The following MACF1 variants were observed in gnomAD, a reference collection of about 807,000 sequenced individuals.
MACF1 encodes microtubule actin crosslinking factor 1.
In MACF1, 193 loss-of-function variants were observed where a neutral mutation model predicts 854.8. The observed-to-expected ratio is 0.23, with a 90% CI of 0.20 to 0.25. The LOEUF (loss-of-function observed/expected upper bound fraction) is 0.25. Ranked by LOEUF, MACF1 falls within the 10% of genes least tolerant of loss-of-function variation. The probability of loss-of-function intolerance (pLI) is 1.00; values close to 1 mark genes in which losing one functional copy is unlikely to be tolerated. For synonymous variants in MACF1, 3,185 were observed against 3,226.7 expected (o/e 0.99, Z 0.44); for missense variants, 7,722 against 8,929.1 (o/e 0.86, Z 5.45).
intron 58 of MACF1, among the ~76,000 whole-genome samples, chr1:39,393,190 A>ATATATAT (rs1427429683): frequency 8.1e-5 from 7 of 86,662 alleles, no homozygotes; most frequent in African/African-American, 3.1e-4. Flanking sequence ...GTAAAAAAAA[A>ATATATAT]AAAAAAATAT....
At chr1:39,404,083 G>A (rs1202546809) in intron 58 of MACF1, among the ~76,000 whole-genome samples, 5 of 151,612 alleles carry the variant, frequency 3.3e-5, no homozygotes, top group African/African-American at 4.9e-5. Flanking sequence ...GAGCGAGATC[G>A]TGCCACTGCA....
chr1:39,452,439 T>C (rs988613512), intron 86 of MACF1, 89 bp downstream of exon 86: 61 of 1,334,872 alleles, frequency 4.6e-5, no homozygotes, highest in Non-Finnish European at 6.1e-5. Flanking sequence ...CCAGTCAGTC[T>C]TGAAATAAGT....
intron 98 of MACF1, 101 bp from the exon 99 acceptor site, chr1:39,480,819 A>C: frequency 3.0e-6 from 2 of 660,872 alleles, no homozygotes; most frequent in Non-Finnish European, 5.4e-6. Context: ...GTTTCTTTAA[A>C]ATTTAGTATC....
At chr1:39,439,777 T>C (rs1370311721) in intron 72 of MACF1, among the ~76,000 whole-genome samples, 1 of 152,166 alleles carries the variant, frequency 6.6e-6, no homozygotes, top group African/African-American at 2.4e-5. Flanking sequence ...GGCTAATTTT[T>C]GTATTTTTAG....
Position 39,335,235 on chromosome 1 carries a change from T to C in MACF1, c.8647T>C (p.Leu2883=), listed in dbSNP as rs765955393. Residue 2883 remains leucine (L), a synonymous_variant, in exon 37 of 101, where the codon TTG becomes CTG. Coordinates refer to ENST00000564288, the MANE Select transcript of MACF1 (RefSeq NM_001394062.1). ...LKGKSLGQVS[L]THPYSECDFK... is the part of the protein sequence containing the mutation. Reference sequence around the variant, plus strand: ...AGGTAAATCCTTGGGCCAAGTGTCATTGACACACCCTTACTCTGAATGTGA... The same window carrying C: ...AGGTAAATCCTTGGGCCAAGTGTCACTGACACACCCTTACTCTGAATGTGA... 21 of 1,613,926 alleles carry C rather than the reference T, an allele frequency of 1.3e-5. No individual in the cohort carries two copies. In the South Asian group the frequency reaches 2.3e-4, roughly 18 times the overall value.
intron 55 of MACF1, 100 bp downstream of exon 55, chr1:39,380,473 T>A: frequency 8.1e-7 from 1 of 1,227,116 alleles, no homozygotes; most frequent in Non-Finnish European, 1.1e-6. Context: ...TATTTTTAGT[T>A]AATTTTTATA....
At chr1:39,477,136 A>ACACACACT (rs1644921502) in intron 97 of MACF1, among the ~76,000 whole-genome samples, 1 of 110,194 alleles carries the variant, frequency 9.1e-6, no homozygotes. Context: ...ATATATATAT[A>ACACACACT]CACACACACA....
At chr1:39,086,997 G>A (rs574188954) in intron 2 of MACF1, among the ~76,000 whole-genome samples, 9 of 152,294 alleles carry the variant, frequency 5.9e-5, no homozygotes, top group South Asian at 2.1e-4. Flanking sequence ...CAGCAGAGAC[G>A]AGGCGGGACT....
At chr1:39,168,632 T>C (rs1643906269) in intron 2 of MACF1, among the ~76,000 whole-genome samples, 1 of 151,764 alleles carries the variant, frequency 6.6e-6, no homozygotes, top group Admixed American at 6.6e-5. Flanking sequence ...TGCGCCTGGC[T>C]CAAATCTGTG....
intron 53 of MACF1, 25 bp from the exon 54 acceptor site, chr1:39,379,178 C>G (rs763659783): frequency 1.8e-5 from 28 of 1,543,768 alleles, no homozygotes; most frequent in Non-Finnish European, 2.2e-5. Context: ...TGTCTCCAAT[C>G]TGATTTCTGT....
At chr1:39,268,026 A>G (rs1645254164) in intron 6 of MACF1, among the ~76,000 whole-genome samples, 1 of 152,188 alleles carries the variant, frequency 6.6e-6, no homozygotes, top group South Asian at 2.1e-4. Context: ...CAGAATATGT[A>G]TATCTGCTTG....
chr1:39,145,980 AAAAAT>A (rs1353554487), intron 2 of MACF1, among the ~76,000 whole-genome samples: 1 of 152,226 alleles, frequency 6.6e-6, no homozygotes, highest in Non-Finnish European at 1.5e-5. Context: ...TTGGAGAACT[AAAAAT>A]AGAGCTACCA....
intron 99 of MACF1, among the ~76,000 whole-genome samples, chr1:39,484,113 A>G (rs1645063955): frequency 6.6e-6 from 1 of 152,234 alleles, no homozygotes; most frequent in Admixed American, 6.5e-5. Flanking sequence ...AGATTGCACC[A>G]CTGCACTCCA....
At chr1:39,339,974 C>T (rs1403831897) in intron 38 of MACF1, among the ~76,000 whole-genome samples, 1 of 152,074 alleles carries the variant, frequency 6.6e-6, no homozygotes, top group Non-Finnish European at 1.5e-5. Flanking sequence ...TTATTTCCGG[C>T]TTATCTGTTG....
chr1:39,128,202 A>C (rs1329840870), intron 2 of MACF1, among the ~76,000 whole-genome samples: 1 of 151,938 alleles, frequency 6.6e-6, no homozygotes, highest in Non-Finnish European at 1.5e-5. Flanking sequence ...CATCTGGCTT[A>C]CATTTTTATT....
At chr1:39,414,250 A>G (rs558712846) in intron 58 of MACF1, 28 of 1,614,030 alleles carry the variant, frequency 1.7e-5, no homozygotes, top group Middle Eastern at 3.3e-4. Context: ...AGTGCCTCCT[A>G]TGGAGGAAGT....
At chr1:39,237,449 G>A (rs535326126) in intron 2 of MACF1, among the ~76,000 whole-genome samples, 1 of 152,316 alleles carries the variant, frequency 6.6e-6, no homozygotes, top group African/African-American at 2.4e-5. Context: ...TATCCAATAA[G>A]TACTTGTTAC....
At chr1:39,166,070 G>GC (rs1473080515) in intron 2 of MACF1, among the ~76,000 whole-genome samples, 15 of 70,232 alleles carry the variant, frequency 2.1e-4, no homozygotes, top group Non-Finnish European at 2.7e-4. Flanking sequence ...GAGGGCACTA[G>GC]ATTTTTTTTT....
At chr1:39,353,836 T>C (rs1160125412) in intron 44 of MACF1, among the ~76,000 whole-genome samples, 1 of 152,224 alleles carries the variant, frequency 6.6e-6, no homozygotes, top group African/African-American at 2.4e-5. Flanking sequence ...TTATGGTAAT[T>C]ATATTTCTTT....
Sources: gnomAD v4.1 joint callset for allele counts (sites outside exome capture counted in the v4.1 genomes callset) on GRCh38, gnomAD v4.1.1 for gene constraint, MANE v1.5 for transcripts, NCBI Gene and HGNC (gene_info 2026-07-23, HGNC 2026-07-21) for gene names.